PIBF1: variants seen among roughly 807,000 people sequenced by gnomAD.
The protein encoded by PIBF1 is progesterone immunomodulatory binding factor 1, also known as progesterone-induced-blocking factor 1.
PIBF1 carries 90 observed loss-of-function variants against 112.5 expected under a neutral mutation model. The observed-to-expected ratio is 0.80, with a 90% CI of 0.67 to 0.95. The LOEUF is 0.95. Ranked by LOEUF, PIBF1 falls within the 40% of genes least tolerant of loss-of-function variation. The pLI, the probability that PIBF1 is intolerant of heterozygous loss-of-function variation, is 0.00. For missense variants in PIBF1, 915 were observed against 852.3 expected (o/e 1.07, Z -0.92); for synonymous variants, 301 against 288.6 (o/e 1.04, Z -0.44).
rs757032705 is a variant in PIBF1 at position 72,792,525 on chromosome 13, G to T, written c.331G>T (p.Ala111Ser). 3 of 1,549,418 alleles carry T rather than the reference G, an allele frequency of 1.9e-6. No homozygotes were observed. Among genetic ancestry groups the T allele is most frequent in the Non-Finnish European group, 2.6e-6 (3 of 1,151,356 alleles). The change falls in exon 3 of 18, where the codon GCT (alanine) becomes TCT (serine). Residue 111 changes from alanine to serine, a missense_variant. Coordinates refer to ENST00000326291, the MANE Select transcript of PIBF1 (RefSeq NM_006346.4). ...LLTLRLDNQL[A>S]FQQKDASKYQ... ...AACATTGAGATTAGACAACCAATTG[G>T]CTTTTCAACAGAAAGATGCCAGGTA... is the stretch of plus-strand genomic sequence containing the variant.
At chr13:72,977,772 A>G (rs548930711) in intron 16 of PIBF1, among the ~76,000 whole-genome samples, 130 of 152,318 alleles carry the variant, frequency 8.5e-4, no homozygotes, top group African/African-American at 2.9e-3. Context: ...GTGGTGTGAC[A>G]ATTTCCAGGA....
chr13:72,827,923 T>A lies in PIBF1; in HGVS notation c.1097+9T>A. 1 of 1,541,006 alleles carries A rather than the reference T, an allele frequency of 6.5e-7. No homozygotes were observed. The highest frequency in any genetic ancestry group is 2.0e-5 in the Admixed American group (1 of 50,938). On this transcript the variant is annotated intron_variant, in intron 8 of 17. Coordinates refer to ENST00000326291, the MANE Select transcript of PIBF1 (RefSeq NM_006346.4). ...AAATATGTAGCATCCAGGCAAGATTTGCATTATTTCCCACGTAAATAGATA... is the reference window on the plus strand; with the variant it reads ...AAATATGTAGCATCCAGGCAAGATTAGCATTATTTCCCACGTAAATAGATA...
chr13:72,844,781 A>G (rs2037784110), intron 9 of PIBF1, among the ~76,000 whole-genome samples: 3 of 118,896 alleles, frequency 2.5e-5, no homozygotes, highest in African/African-American at 9.7e-5. Context: ...ACACACACAC[A>G]CACACACACA....
At chr13:72,928,308 T>C (rs921257746) in intron 13 of PIBF1, among the ~76,000 whole-genome samples, 2 of 151,936 alleles carry the variant, frequency 1.3e-5, no homozygotes, top group Non-Finnish European at 2.9e-5. Flanking sequence ...TTGTAAGCAA[T>C]TTGAAGATAC....
chr13:72,983,564 C>T (rs1406777299), intron 16 of PIBF1, among the ~76,000 whole-genome samples: 1 of 152,126 alleles, frequency 6.6e-6, no homozygotes, highest in African/African-American at 2.4e-5. Context: ...TGCAGTTAGC[C>T]AGGTTTCTTG....
chr13:72,798,426 C>A (rs1238383934), intron 5 of PIBF1, among the ~76,000 whole-genome samples: 1 of 152,100 alleles, frequency 6.6e-6, no homozygotes, highest in East Asian at 1.9e-4. Flanking sequence ...GTAGGCCAAG[C>A]TATGCAGGGG....
At chr13:72,791,575 G>A (rs919772684) in intron 2 of PIBF1, among the ~76,000 whole-genome samples, 1 of 152,154 alleles carries the variant, frequency 6.6e-6, no homozygotes, top group African/African-American at 2.4e-5. Context: ...TTATGCCACA[G>A]TGTTTAGAAT....
intron 8 of PIBF1, among the ~76,000 whole-genome samples, 179 bp from the exon 9 acceptor site, chr13:72,835,064 T>C (rs1156837451): frequency 1.3e-5 from 2 of 152,176 alleles, no homozygotes; most frequent in Non-Finnish European, 2.9e-5. Flanking sequence ...TCTTAGATCA[T>C]ACTAGTTAGG....
rs1555296184 is a variant in PIBF1 at position 72,844,762 on chromosome 13, C to CACGGATGAAGTCTTACTGTTT, written c.1224-9293_1224-9292insGGATGAAGTCTTACTGTTTAC. Among the ~76,000 whole-genome samples the CACGGATGAAGTCTTACTGTTT allele has an allele frequency of 2.7e-4, 34 of 125,964 alleles. 1 individual carries two copies. The highest frequency in any genetic ancestry group is 4.0e-3 in the Middle Eastern group (1 of 252). The allele number at this position is 125,964 out of a possible 152,430, so 82.6% of individuals were successfully genotyped here. A position where few individuals can be genotyped will look rare whatever the true frequency, so the allele number is the denominator to read the frequency against. ...ACACACACACACACACACACACACA[C>CACGGATGAAGTCTTACTGTTT]ACACACACACACACACACACACACA... On this transcript the variant is annotated intron_variant, in intron 9 of 17. Transcript: ENST00000326291.
chr13:72,973,635 A>G lies in PIBF1; in HGVS notation c.2009A>G (p.Gln670Arg). 6.3e-7 allele frequency: 1 copy of G among 1,580,924 alleles called. No homozygotes were observed. Among genetic ancestry groups the G allele is most frequent in the South Asian group, 1.2e-5 (1 of 84,918 alleles). ...TCAGCTTTACTACAGACGAAGAATC[A>G]AATGGCATTAGATTTAGAACAACTT... ...EKSALLQTKN[Q>R]MALDLEQLLN... The change falls in exon 16 of 18, where the codon CAA (glutamine) becomes CGA (arginine). Residue 670 changes from glutamine to arginine, a missense_variant. Gln to Arg is a conservative substitution (Grantham distance 43). Transcript: ENST00000326291.
intron 10 of PIBF1, among the ~76,000 whole-genome samples, chr13:72,882,264 A>G (rs989115349): frequency 1.3e-5 from 2 of 152,208 alleles, no homozygotes; most frequent in Admixed American, 6.5e-5. Flanking sequence ...TTAGACCCCT[A>G]TCTCTTGCCA....
At chr13:72,880,412 T>A (rs1566398060) in intron 10 of PIBF1, among the ~76,000 whole-genome samples, 1 of 152,254 alleles carries the variant, frequency 6.6e-6, no homozygotes, top group Non-Finnish European at 1.5e-5. Context: ...TATGACAAGC[T>A]TTAAAACAAA....
chr13:72,901,476 G>A (rs2040482946), intron 11 of PIBF1, among the ~76,000 whole-genome samples: 1 of 152,148 alleles, frequency 6.6e-6, no homozygotes, highest in South Asian at 2.1e-4. Flanking sequence ...ATCACCTGAG[G>A]ACAGGAGTTC....
At chr13:72,903,190 C>T (rs977637712) in intron 11 of PIBF1, among the ~76,000 whole-genome samples, 9 of 152,072 alleles carry the variant, frequency 5.9e-5, no homozygotes, top group Admixed American at 1.3e-4. Flanking sequence ...TGAGCCACCG[C>T]GCCCAGCCAA....
chr13:72,816,576 A>G (rs1391701642), intron 5 of PIBF1, among the ~76,000 whole-genome samples: 1 of 151,634 alleles, frequency 6.6e-6, no homozygotes, highest in East Asian at 2.0e-4. Context: ...TGGGAGGATC[A>G]TCTGAGGTCG....
intron 5 of PIBF1, among the ~76,000 whole-genome samples, chr13:72,805,088 C>G (rs1030897319): frequency 2.4e-4 from 36 of 152,178 alleles, no homozygotes; most frequent in African/African-American, 8.0e-4. Context: ...ATTCTCCTGC[C>G]TCAGCCTCCC....
chr13:72,966,186 A>G (rs2042734051), intron 15 of PIBF1, among the ~76,000 whole-genome samples: 1 of 152,162 alleles, frequency 6.6e-6, no homozygotes, highest in Non-Finnish European at 1.5e-5. Context: ...TAAGGAGAAG[A>G]TGGTTGTTAA....
intron 14 of PIBF1, among the ~76,000 whole-genome samples, chr13:72,945,645 A>G (rs1172665304): frequency 6.6e-6 from 1 of 152,116 alleles, no homozygotes; most frequent in Non-Finnish European, 1.5e-5. Flanking sequence ...TCATTTTTTG[A>G]AAAACTGTTT....
intron 10 of PIBF1, among the ~76,000 whole-genome samples, chr13:72,871,877 GA>G (rs2039180215): frequency 6.6e-6 from 1 of 152,122 alleles, no homozygotes; most frequent in Non-Finnish European, 1.5e-5. Context: ...CATGGTAAGG[GA>G]ATGCTTATTT....
Sources: allele counts gnomAD v4.1 joint callset (sites outside exome capture counted in the v4.1 genomes callset), GRCh38; gene constraint gnomAD v4.1.1; transcripts MANE v1.5; gene names NCBI Gene and HGNC (gene_info 2026-07-23, HGNC 2026-07-21).